Variants in ARB2A observed in about 807,000 individuals in gnomAD.
ARB2A encodes the protein cotranscriptional regulator ARB2A.
the ARB2A span, among the ~76,000 whole-genome samples, chr5:93,830,864 C>A: frequency 2.0e-5 from 3 of 152,022 alleles, no homozygotes; most frequent in African/African-American, 4.8e-5. Context: ...CATAATTATA[C>A]AACTAACCAT....
chr5:93,883,045 T>C, the ARB2A span, among the ~76,000 whole-genome samples: 12 of 151,614 alleles, frequency 7.9e-5, no homozygotes, highest in African/African-American at 2.9e-4. Context: ...TAAAATATGC[T>C]GCATTACTGC....
the ARB2A span, among the ~76,000 whole-genome samples, chr5:93,794,981 G>A: frequency 2.0e-5 from 3 of 152,172 alleles, no homozygotes; most frequent in African/African-American, 7.2e-5. Context: ...AAGTATTCAG[G>A]TTACTCAGGC....
At chr5:93,740,570 C>CTCA in the ARB2A span, 1 of 1,586,208 alleles carries the variant, frequency 6.3e-7, no homozygotes. Flanking sequence ...GGGCAAGCCC[C>CTCA]TCAGCCCTAA....
chr5:93,701,725 T>G, the ARB2A span, among the ~76,000 whole-genome samples: 8 of 152,170 alleles, frequency 5.3e-5, no homozygotes, highest in African/African-American at 1.9e-4. Context: ...TTTGATTGAC[T>G]TTAATGTTGG....
the ARB2A span, among the ~76,000 whole-genome samples, chr5:94,087,567 A>G: frequency 2.6e-5 from 4 of 152,178 alleles, no homozygotes; most frequent in Non-Finnish European, 5.9e-5. Flanking sequence ...CTAGTTGTAT[A>G]TATTTTGTGT....
chr5:93,813,170 A>G, the ARB2A span, among the ~76,000 whole-genome samples: 2 of 152,346 alleles, frequency 1.3e-5, no homozygotes, highest in South Asian at 4.1e-4. Flanking sequence ...ATTGGTAGAC[A>G]TATGTACCTT....
At chr5:93,756,539 C>T in the ARB2A span, among the ~76,000 whole-genome samples, 19 of 152,204 alleles carry the variant, frequency 1.2e-4, no homozygotes, top group African/African-American at 3.6e-4. Flanking sequence ...CAGAAGCTCA[C>T]ATCACAGGAC....
At chr5:93,880,484 T>C in the ARB2A span, among the ~76,000 whole-genome samples, 1 of 151,810 alleles carries the variant, frequency 6.6e-6, no homozygotes, top group Admixed American at 6.6e-5. Flanking sequence ...GTTGAATAAT[T>C]TGAAATGTTA....
At chr5:93,744,301 G>A in the ARB2A span, among the ~76,000 whole-genome samples, 1 of 151,638 alleles carries the variant, frequency 6.6e-6, no homozygotes, top group Non-Finnish European at 1.5e-5. Context: ...CAGGCATGGT[G>A]GCGCGGACCT....
chr5:93,776,105 T>A, the ARB2A span: 1 of 1,376,702 alleles, frequency 7.3e-7, no homozygotes, highest in Admixed American at 2.2e-5. Context: ...TTCATTAGCA[T>A]ATTTTTCACC....
the ARB2A span, among the ~76,000 whole-genome samples, chr5:93,882,625 G>C: frequency 6.6e-6 from 1 of 151,190 alleles, no homozygotes; most frequent in African/African-American, 2.4e-5. Context: ...AATATAGAGA[G>C]GGATAAACAA....
the ARB2A span, among the ~76,000 whole-genome samples, chr5:93,672,795 T>C: frequency 6.6e-6 from 1 of 152,190 alleles, no homozygotes; most frequent in Non-Finnish European, 1.5e-5. Flanking sequence ...TTTACAAATA[T>C]GATTTTGGCA....
chr5:93,632,066 G>A, the ARB2A span, among the ~76,000 whole-genome samples: 1 of 152,110 alleles, frequency 6.6e-6, no homozygotes, highest in African/African-American at 2.4e-5. Context: ...CTGTTTCTTG[G>A]TACTGGGGGT....
chr5:94,105,832 C>T, the ARB2A span, among the ~76,000 whole-genome samples: 17 of 149,638 alleles, frequency 1.1e-4, no homozygotes, highest in East Asian at 3.3e-3. Context: ...AATAAAGCCA[C>T]ACACCTAAAA....
the ARB2A span, among the ~76,000 whole-genome samples, chr5:93,823,186 G>A: frequency 6.6e-6 from 1 of 152,088 alleles, no homozygotes; most frequent in Non-Finnish European, 1.5e-5. Flanking sequence ...AAGAGATTAT[G>A]GACAGATCCC....
chr5:93,959,002 G>A, the ARB2A span: 3 of 1,416,310 alleles, frequency 2.1e-6, no homozygotes, highest in Non-Finnish European at 2.9e-6. Flanking sequence ...ATAAATAAAT[G>A]TCTTCTGATC....
the ARB2A span, among the ~76,000 whole-genome samples, chr5:93,728,765 TAAAAACCA>T: frequency 6.6e-6 from 1 of 152,124 alleles, no homozygotes; most frequent in African/African-American, 2.4e-5. Context: ...TAAGTCAATA[TAAAAACCA>T]GTCACAGGAA....
At chr5:93,832,983 A>G in the ARB2A span, among the ~76,000 whole-genome samples, 1 of 152,208 alleles carries the variant, frequency 6.6e-6, no homozygotes, top group South Asian at 2.1e-4. Flanking sequence ...TATATAAAGT[A>G]TTTATAACTA....
chr5:93,918,248 C>G, the ARB2A span, among the ~76,000 whole-genome samples: 2 of 151,812 alleles, frequency 1.3e-5, no homozygotes, highest in African/African-American at 2.4e-5. Flanking sequence ...TGCTCTTGTC[C>G]AACAAAAAAT....
Sources: gnomAD v4.1 joint callset for allele counts (sites outside exome capture counted in the v4.1 genomes callset) on GRCh38, gnomAD v4.1.1 for gene constraint, MANE v1.5 for transcripts, NCBI Gene and HGNC (gene_info 2026-07-23, HGNC 2026-07-21) for gene names.